Variants in CLSTN2 observed in about 807,000 individuals in gnomAD.
CLSTN2 encodes calsyntenin 2.
CLSTN2 carries 48 observed loss-of-function variants against 101.2 expected under a neutral mutation model. The ratio of observed to expected loss-of-function variants is 0.47; its 90% CI spans 0.38 to 0.60. The LOEUF (loss-of-function observed/expected upper bound fraction) is 0.60, where lower values mean the gene tolerates loss of function less well. Among genes scored for constraint, CLSTN2 ranks in the 20% least tolerant of loss-of-function variants. The pLI, the probability that CLSTN2 is intolerant of heterozygous loss-of-function variation, is 0.00. For synonymous variants in CLSTN2, 481 were observed against 463.6 expected, an observed-to-expected ratio of 1.04 and a Z score of -0.48; for missense variants, 1,160 against 1,238.2, an observed-to-expected ratio of 0.94 and a Z score of 0.95.
chr3:140,448,509 G>C lies in CLSTN2; in HGVS notation c.788-10G>C, dbSNP rs764517376. On this transcript the variant is annotated splice_polypyrimidine_tract_variant and intron_variant, in intron 5 of 16. Transcript: ENST00000458420. ...CTGATTCACTTTTCATCCTTTCCTT[G>C]TTTGTTTAGACTGGACCAAGAGGAT... 15 of 1,598,718 alleles carry C rather than the reference G, an allele frequency of 9.4e-6. No homozygotes were observed. The highest frequency in any genetic ancestry group is 1.3e-5 in the Non-Finnish European group (15 of 1,168,452).
chr3:140,434,859 C>G (rs1035611359), intron 5 of CLSTN2, among the ~76,000 whole-genome samples: 5 of 151,978 alleles, frequency 3.3e-5, no homozygotes, highest in African/African-American at 9.7e-5. Flanking sequence ...TGTTTGTTTT[C>G]TTTTCCTTTT....
intron 1 of CLSTN2, among the ~76,000 whole-genome samples, chr3:140,167,776 T>A (rs1251149461): frequency 6.6e-6 from 1 of 152,210 alleles, no homozygotes; most frequent in Non-Finnish European, 1.5e-5. Flanking sequence ...TTTTCTAAAA[T>A]GTCATATGAA....
At chr3:140,370,881 G>A (rs908007655) in intron 2 of CLSTN2, among the ~76,000 whole-genome samples, 3 of 151,910 alleles carry the variant, frequency 2.0e-5, no homozygotes, top group Non-Finnish European at 4.4e-5. Flanking sequence ...CCTAGCACCG[G>A]CCCCACCCAC....
intron 2 of CLSTN2, among the ~76,000 whole-genome samples, chr3:140,272,547 C>T (rs904214486): frequency 6.6e-6 from 1 of 152,140 alleles, no homozygotes; most frequent in Non-Finnish European, 1.5e-5. Flanking sequence ...GATGGGAGTT[C>T]GAGACCAGCC....
At chr3:140,072,613 A>G (rs1422964113) in intron 1 of CLSTN2, among the ~76,000 whole-genome samples, 4 of 152,222 alleles carry the variant, frequency 2.6e-5, no homozygotes, top group Admixed American at 6.5e-5. Context: ...GTTTACAAAA[A>G]TAAGCTTCAA....
At chr3:140,463,612 G>T (rs138763628) in intron 7 of CLSTN2, among the ~76,000 whole-genome samples, 49 of 152,318 alleles carry the variant, frequency 3.2e-4, no homozygotes, top group African/African-American at 1.2e-3. Context: ...TCCTGGAAAG[G>T]CCTGACTCAT....
chr3:140,554,288 A>G (rs1342545456), intron 10 of CLSTN2, among the ~76,000 whole-genome samples: 1 of 152,204 alleles, frequency 6.6e-6, no homozygotes, highest in Admixed American at 6.5e-5. Flanking sequence ...AGTGTCAACA[A>G]TAGTGCTCAT....
At chr3:140,006,827 T>G (rs774700833) in intron 1 of CLSTN2, among the ~76,000 whole-genome samples, 39 of 152,196 alleles carry the variant, frequency 2.6e-4, no homozygotes, top group Non-Finnish European at 1.5e-4. Flanking sequence ...ATAGTAGCTC[T>G]ATCAATAGTA....
chr3:140,031,459 A>G (rs1345214044), intron 1 of CLSTN2, among the ~76,000 whole-genome samples: 1 of 152,180 alleles, frequency 6.6e-6, no homozygotes, highest in East Asian at 1.9e-4. Flanking sequence ...TTAGGAGATT[A>G]ATAGGTTTGG....
intron 1 of CLSTN2, among the ~76,000 whole-genome samples, chr3:140,120,172 A>T (rs190674008): frequency 6.6e-6 from 1 of 152,106 alleles, no homozygotes; most frequent in Non-Finnish European, 1.5e-5. Context: ...ACCACCCCAG[A>T]TACTAGCCTT....
intron 2 of CLSTN2, among the ~76,000 whole-genome samples, chr3:140,262,265 G>A (rs761540611): frequency 5.3e-4 from 81 of 152,298 alleles, no homozygotes; most frequent in Non-Finnish European, 6.2e-4. Flanking sequence ...CAGCATGTGA[G>A]TGGTGAAGCT....
intron 2 of CLSTN2, among the ~76,000 whole-genome samples, chr3:140,347,853 G>A (rs1483170235): frequency 6.6e-6 from 1 of 152,154 alleles, no homozygotes; most frequent in East Asian, 1.9e-4. Flanking sequence ...ATCAAGAAAG[G>A]AAAATAAAGT....
At chr3:140,472,876 C>T (rs1933884937) in intron 8 of CLSTN2, among the ~76,000 whole-genome samples, 1 of 152,112 alleles carries the variant, frequency 6.6e-6, no homozygotes, top group South Asian at 2.1e-4. Flanking sequence ...TCTTTATTTC[C>T]CCATGATATA....
intron 10 of CLSTN2, among the ~76,000 whole-genome samples, chr3:140,547,571 CAG>C (rs1345072457): frequency 6.6e-6 from 1 of 152,200 alleles, no homozygotes; most frequent in Admixed American, 6.5e-5. Flanking sequence ...CAAGTGATCT[CAG>C]AGAAGCAAAG....
intron 2 of CLSTN2, among the ~76,000 whole-genome samples, chr3:140,348,066 G>A (rs931669222): frequency 6.6e-6 from 1 of 152,222 alleles, no homozygotes; most frequent in African/African-American, 2.4e-5. Flanking sequence ...CACAGGTACT[G>A]AGTGTTAGCT....
chr3:140,470,380 G>A (rs1335275427), intron 8 of CLSTN2, among the ~76,000 whole-genome samples: 1 of 152,248 alleles, frequency 6.6e-6, no homozygotes, highest in African/African-American at 2.4e-5. Flanking sequence ...GGCACCTGGG[G>A]CTGAAAGCCT....
chr3:140,527,140 A>G (rs1022673096), intron 8 of CLSTN2, among the ~76,000 whole-genome samples: 1 of 152,170 alleles, frequency 6.6e-6, no homozygotes, highest in Non-Finnish European at 1.5e-5. Flanking sequence ...TCAACAGAGT[A>G]AACAGCCTAC....
chr3:140,332,106 G>C (rs1485335878), intron 2 of CLSTN2, among the ~76,000 whole-genome samples: 1 of 152,190 alleles, frequency 6.6e-6, no homozygotes, highest in South Asian at 2.1e-4. Flanking sequence ...GCCGGGGCAG[G>C]GTCCCTCTAT....
At chr3:139,962,603 A>G (rs1285694418) in intron 1 of CLSTN2, among the ~76,000 whole-genome samples, 1 of 152,236 alleles carries the variant, frequency 6.6e-6, no homozygotes, top group Non-Finnish European at 1.5e-5. Flanking sequence ...AAAGTTCTTC[A>G]TGTAGAAATA....
Sources: gnomAD v4.1 joint callset for allele counts (sites outside exome capture counted in the v4.1 genomes callset) on GRCh38, gnomAD v4.1.1 for gene constraint, MANE v1.5 for transcripts, NCBI Gene and HGNC (gene_info 2026-07-23, HGNC 2026-07-21) for gene names.